Variants in GJD4 observed in about 807,000 individuals in gnomAD.
GJD4 encodes gap junction delta-4 protein.
In GJD4, 18 loss-of-function variants were observed where a neutral mutation model predicts 17.9. The ratio of observed to expected loss-of-function variants is 1.00; its 90% confidence interval spans 0.69 to 1.49. The LOEUF (loss-of-function observed/expected upper bound fraction) is 1.49, where lower values mean the gene tolerates loss of function less well. Ranked by LOEUF, GJD4 falls within the 40% of genes most tolerant of loss-of-function variation. The pLI, the probability that GJD4 is intolerant of heterozygous loss-of-function variation, is 0.00. For synonymous variants in GJD4, 293 were observed against 236.8 expected (o/e 1.24, Z -2.18); for missense variants, 639 against 506.9 (o/e 1.26, Z -2.50).
rs141883026 is a variant in GJD4, at chr10:35,608,376, C to T, written c.863C>T (p.Thr288Met). 7.1e-3 allele frequency: 10,984 copies of T among 1,552,028 alleles called. 38 individuals carry two copies. Among genetic ancestry groups the T allele is most frequent in the Non-Finnish European group, 8.2e-3 (9,391 of 1,148,416 alleles). ...CGTACATCCAGGGTGTCAGGGCACA[C>T]GAAGATTCCGGATGAGGATGAGAGT... is the stretch of plus-strand genomic sequence containing the variant. Reference protein sequence around the residue: ...PRRTSRVSGHTKIPDEDESEV... With the variant: ...PRRTSRVSGHMKIPDEDESEV... The change falls in exon 2 of 2, where the codon ACG becomes ATG. Residue 288 changes from threonine (T) to methionine (M), a missense_variant. Transcript: ENST00000321660.
At position 35,608,086 on chromosome 10, in the gene GJD4, C is replaced by A. The variant is rs772578703; in HGVS notation, c.573C>A (p.Pro191=). Residue 191 remains proline (P), a synonymous_variant, in exon 2 of 2, where the codon CCC becomes CCA. Coordinates refer to ENST00000321660, the MANE Select transcript of GJD4 (RefSeq NM_153368.3). ...TGGTGGACTGCTACGTGTCGCGGCCCACAGAGAAGTCCCTGCTGATGCTGT... is the reference window on the plus strand; with the variant it reads ...TGGTGGACTGCTACGTGTCGCGGCCAACAGAGAAGTCCCTGCTGATGCTGT... ...TGVVDCYVSR[P]TEKSLLMLFL... is the part of the protein sequence containing the mutation. The A allele has an allele frequency of 6.2e-7, 1 of 1,609,000 alleles. No homozygotes were observed. The highest frequency in any genetic ancestry group is 8.5e-7 in the Non-Finnish European group (1 of 1,177,790).
chr10:35,606,387 T>A (rs141892039), intron 1 of GJD4: 65 of 152,320 alleles, frequency 4.3e-4, no homozygotes, highest in African/African-American at 1.4e-3. Flanking sequence ...TCTTGTGCAC[T>A]TTAAACCAAA....
Position 35,608,330 on chromosome 10 carries a change from G to T in GJD4, c.817G>T (p.Glu273Ter). Reference protein sequence around the residue: ...PAPPGARAGGEGAGSPRRTSR... With the variant: ...PAPPGARAGG ...GCCCCCGGGTGCACGCGCCGGAGGGGAGGGGGCTGGCAGCCCCAGGCGTAC... is the reference window on the plus strand; with the variant it reads ...GCCCCCGGGTGCACGCGCCGGAGGGTAGGGGGCTGGCAGCCCCAGGCGTAC... Residue 273 changes from glutamate to a stop codon, truncating the protein, a stop_gained, in exon 2 of 2, where the codon GAG becomes TAG. Coordinates refer to ENST00000321660, the MANE Select transcript of GJD4 (RefSeq NM_153368.3). LOFTEE classifies it high-confidence loss of function. 2 of 1,549,550 alleles carry T rather than the reference G, an allele frequency of 1.3e-6. No homozygotes were observed. The highest frequency in any genetic ancestry group is 2.0e-5 in the Admixed American group (1 of 50,952).
rs779584150 is a variant in GJD4, at chr10:35,608,400, G to A, written c.887G>A (p.Ser296Asn). Residue 296 changes from serine (S) to asparagine (N), a missense_variant, in exon 2 of 2, where the codon AGT (serine) becomes AAT (asparagine). By Grantham distance (46) the Ser-to-Asn change is conservative. Coordinates refer to ENST00000321660, the MANE Select transcript of GJD4 (RefSeq NM_153368.3). ...GHTKIPDEDE[S>N]EVTSSASEKL... ...ACGAAGATTCCGGATGAGGATGAGA[G>A]TGAGGTGACATCCTCCGCCAGCGAA... The A allele has an allele frequency of 4.5e-6, 7 of 1,550,374 alleles. No individual in the cohort carries two copies. The highest frequency in any genetic ancestry group is 3.6e-5 in the South Asian group (3 of 84,082).
At position 35,608,610 on chromosome 10, in the gene GJD4, A is replaced by T; in HGVS notation, c.1097A>T (p.Lys366Met). 6.6e-7 allele frequency: 1 copy of T among 1,503,780 alleles called. No homozygotes were observed. The highest frequency in any genetic ancestry group is 1.3e-5 in the South Asian group (1 of 75,548). The allele number at this position is 1,503,780 out of a possible 1,614,324, so 93.2% of individuals were successfully genotyped here. The change falls in exon 2 of 2, where the codon AAG (lysine) becomes ATG (methionine). Residue 366 changes from lysine to methionine, a missense_variant. Physicochemically the swap from Lys to Met is moderately conservative, Grantham distance 95 (BLOSUM62 -1). Coordinates refer to ENST00000321660, the MANE Select transcript of GJD4 (RefSeq NM_153368.3). ...SSGAPHLRAR[K>M]SEWV is the part of the protein sequence containing the mutation. ...GGTGCTCCCCACCTGAGAGCCAGGAAGTCTGAGTGGGTGTGAAAAAAACAG... is the reference window on the plus strand; with the variant it reads ...GGTGCTCCCCACCTGAGAGCCAGGATGTCTGAGTGGGTGTGAAAAAAACAG...
chr10:35,608,153 G>A lies in GJD4; in HGVS notation c.640G>A (p.Ala214Thr), dbSNP rs867654897. ...VSALSFLLGL[A>T]DLVCSLRRRM... is the part of the protein sequence containing the mutation. ...CGCGCTGTCTTTTCTGCTGGGCCTC[G>A]CCGACCTGGTCTGCAGCCTGCGGCG... The change falls in exon 2 of 2, where the codon GCC becomes ACC. Residue 214 changes from alanine (A) to threonine (T), a missense_variant. Coordinates refer to ENST00000321660, the MANE Select transcript of GJD4 (RefSeq NM_153368.3). 1 of 1,605,838 alleles carries A rather than the reference G, an allele frequency of 6.2e-7. No homozygotes were observed. Among genetic ancestry groups the A allele is most frequent in the East Asian group, 2.2e-5 (1 of 44,616 alleles).
chr10:35,608,225 A>G lies in GJD4; in HGVS notation c.712A>G (p.Lys238Glu), dbSNP rs778713646. 3 of 1,587,510 alleles carry G rather than the reference A, an allele frequency of 1.9e-6. No homozygotes were observed. The highest frequency in any genetic ancestry group is 3.5e-5 in the Admixed American group (2 of 57,666). Residue 238 changes from lysine to glutamate, a missense_variant, in exon 2 of 2, where the codon AAG becomes GAG. Lys to Glu is a moderately conservative substitution (Grantham distance 56, BLOSUM62 1). Transcript: ENST00000321660. ...ACCCCCCACAAGCCCCTCCATCCGG[A>G]AGCAGAGCGGAGCCTCAGGCCACGC... Reference protein sequence around the residue: ...PGPPTSPSIRKQSGASGHAEG... With the variant: ...PGPPTSPSIREQSGASGHAEG...
In GJD4 at chr10:35,608,102, C is replaced by T; in HGVS notation, c.589C>T (p.Leu197=). 1 of 1,609,778 alleles carries T rather than the reference C, an allele frequency of 6.2e-7. No individual in the cohort carries two copies. The highest frequency in any genetic ancestry group is 1.1e-5 in the South Asian group (1 of 90,762). Residue 197 remains leucine, a synonymous_variant, in exon 2 of 2, where the codon CTG becomes TTG. Coordinates refer to ENST00000321660, the MANE Select transcript of GJD4 (RefSeq NM_153368.3). ...YVSRPTEKSL[L]MLFLWAVSAL... is the part of the protein sequence containing the mutation. ...GTCGCGGCCCACAGAGAAGTCCCTG[C>T]TGATGCTGTTCCTCTGGGCGGTCAG...
intron 1 of GJD4, chr10:35,606,769 C>G (rs912100777): frequency 6.6e-6 from 1 of 152,198 alleles, no homozygotes; most frequent in Non-Finnish European, 1.5e-5. Flanking sequence ...TAGGGCTTGA[C>G]AGTTATTTTG....
chr10:35,605,394 G>A lies in GJD4; in HGVS notation c.-174G>A, dbSNP rs1025866842. On this transcript the variant is annotated 5_prime_UTR_variant, in exon 1 of 2. Transcript: ENST00000321660. Reference sequence around the variant, plus strand: ...CCTCAGAGGCAAACGGCTTAGGGCCGTCTCAACTTGGAGACAGAAAAACCC... The same window carrying A: ...CCTCAGAGGCAAACGGCTTAGGGCCATCTCAACTTGGAGACAGAAAAACCC... 1.8e-5 allele frequency: 12 copies of A among 654,690 alleles called. No homozygotes were observed. Among genetic ancestry groups the A allele is most frequent in the African/African-American group, 3.7e-5 (2 of 54,586 alleles). The allele number at this position is 654,690 out of a possible 1,614,324, so 40.6% of individuals were successfully genotyped here. A position where few individuals can be genotyped will look rare whatever the true frequency, so the allele number is the denominator to read the frequency against.
At chr10:35,605,711 C>G in intron 1 of GJD4, 80 bp downstream of exon 1, 1 of 1,098,830 alleles carries the variant, frequency 9.1e-7, no homozygotes, top group East Asian at 2.4e-5. Context: ...TTAAAGGGTC[C>G]AGGTATTTAC....
chr10:35,605,427 A>G lies in GJD4; in HGVS notation c.-141A>G. 1 of 721,002 alleles carries G rather than the reference A, an allele frequency of 1.4e-6. No individual in the cohort carries two copies. Among genetic ancestry groups the G allele is most frequent in the South Asian group, 1.6e-5 (1 of 63,648 alleles). 44.7% of individuals were successfully genotyped at this position (721,002 alleles called of 1,614,324 possible). A position where few individuals can be genotyped will look rare whatever the true frequency, so the allele number is the denominator to read the frequency against. ...TTGGAGACAGAAAAACCCACCTCCT[A>G]CTCCTGGCTCAGACCTTTGCTTTCT... On this transcript the variant is annotated 5_prime_UTR_variant, in exon 1 of 2. Transcript: ENST00000321660.
chr10:35,608,519 AGCCGCCTG>A lies in GJD4; in HGVS notation c.1012_1019del (p.Leu338AlafsTer11), dbSNP rs1835495262. 6.4e-7 allele frequency: 1 copy of A among 1,551,040 alleles called. No homozygotes were observed. Among genetic ancestry groups the A allele is most frequent in the African/African-American group, 1.4e-5 (1 of 72,424 alleles). On this transcript the variant is annotated frameshift_variant, in exon 2 of 2. Transcript: ENST00000321660. LOFTEE classifies it high-confidence loss of function. ...CGAGGAGCAGCCCTCAGCAGCCCCCAGCCGCCTGGCCGCGCCCCCTTCCTGCAGCAGCC... is the reference window on the plus strand; with the variant it reads ...CGAGGAGCAGCCCTCAGCAGCCCCCAGCCGCGCCCCCTTCCTGCAGCAGCC...
In GJD4 at chr10:35,607,812, G is replaced by A. The variant is rs754631664; in HGVS notation, c.299G>A (p.Gly100Glu). ...AVFSVYVLHR[G>E]ATLAALGPRR... Reference sequence around the variant, plus strand: ...TTCAGCGTCTATGTCCTGCACCGAGGAGCCACGCTCGCCGCGCTGGGCCCC... The same window carrying A: ...TTCAGCGTCTATGTCCTGCACCGAGAAGCCACGCTCGCCGCGCTGGGCCCC... Residue 100 changes from glycine (G) to glutamate (E), a missense_variant, in exon 2 of 2, where the codon GGA (glycine) becomes GAA (glutamate). Gly to Glu is a moderately conservative substitution (Grantham distance 98). Coordinates refer to ENST00000321660, the MANE Select transcript of GJD4 (RefSeq NM_153368.3). 6.9e-6 allele frequency: 11 copies of A among 1,602,168 alleles called. No homozygotes were observed. The highest frequency in any genetic ancestry group is 2.7e-5 in the African/African-American group (2 of 75,018).
chr10:35,605,666 G>C (rs773707417), intron 1 of GJD4, 35 bp downstream of exon 1: 1 of 1,520,112 alleles, frequency 6.6e-7, no homozygotes, highest in Non-Finnish European at 9.1e-7. Context: ...CTCCTGCGCT[G>C]TTTTTATTTC....
chr10:35,607,648 C>T lies in GJD4; in HGVS notation c.135C>T (p.Tyr45=), dbSNP rs1211088968. 1.1e-5 allele frequency: 18 copies of T among 1,614,206 alleles called. 1 individual carries two copies. The highest frequency in any genetic ancestry group is 3.3e-5 in the South Asian group (3 of 91,080). ...TTGTCTTGGCGGGGCGACCCGTCTA[C>T]CAGGACGAGCAGGAGAGGTTTGTCT... ...LVIVLAGRPV[Y]QDEQERFVCN... is the part of the protein sequence containing the mutation. The change falls in exon 2 of 2, where the codon TAC becomes TAT. Residue 45 remains tyrosine (Y), a synonymous_variant. Transcript: ENST00000321660.
Position 35,607,659 on chromosome 10 carries a change from A to C in GJD4, c.146A>C (p.Gln49Pro). The C allele has an allele frequency of 6.2e-7, 1 of 1,614,206 alleles. No individual in the cohort carries two copies. The highest frequency in any genetic ancestry group is 8.5e-7 in the Non-Finnish European group (1 of 1,180,038). Residue 49 changes from glutamine to proline, a missense_variant, in exon 2 of 2, where the codon CAG (glutamine) becomes CCG (proline). Coordinates refer to ENST00000321660, the MANE Select transcript of GJD4 (RefSeq NM_153368.3). ...GGGCGACCCGTCTACCAGGACGAGC[A>C]GGAGAGGTTTGTCTGCAACACGCTG... ...LAGRPVYQDE[Q>P]ERFVCNTLQP...
rs1375055833 is a variant in GJD4, at chr10:35,608,457, A to G, written c.944A>G (p.His315Arg). 3 of 1,548,512 alleles carry G rather than the reference A, an allele frequency of 1.9e-6. No individual in the cohort carries two copies. Among genetic ancestry groups the G allele is most frequent in the Non-Finnish European group, 2.6e-6 (3 of 1,146,872 alleles). ...GGCAGACAGCCCCGGGGCAGGCCCCACCGAGAGGCCGCCCAGGACCCCAGG... is the reference window on the plus strand; with the variant it reads ...GGCAGACAGCCCCGGGGCAGGCCCCGCCGAGAGGCCGCCCAGGACCCCAGG... ...KLGRQPRGRP[H>R]REAAQDPRGS... is the part of the protein sequence containing the mutation. The change falls in exon 2 of 2, where the codon CAC becomes CGC. Residue 315 changes from histidine to arginine, a missense_variant. By Grantham distance (29) the His-to-Arg change is conservative. Coordinates refer to ENST00000321660, the MANE Select transcript of GJD4 (RefSeq NM_153368.3).
Position 35,608,196 on chromosome 10 carries a change from C to T in GJD4, c.683C>T (p.Pro228Leu), listed in dbSNP as rs759132395. ...CSLRRRMRRR[P>L]GPPTSPSIRK... ...CTGCGGCGGCGGATGCGCAGGAGGCCGGGACCCCCCACAAGCCCCTCCATC... is the reference window on the plus strand; with the variant it reads ...CTGCGGCGGCGGATGCGCAGGAGGCTGGGACCCCCCACAAGCCCCTCCATC... The change falls in exon 2 of 2, where the codon CCG becomes CTG. Residue 228 changes from proline (P) to leucine (L), a missense_variant. By Grantham distance (98) the Pro-to-Leu change is moderately conservative. Coordinates refer to ENST00000321660, the MANE Select transcript of GJD4 (RefSeq NM_153368.3). 6.3e-7 allele frequency: 1 copy of T among 1,591,006 alleles called. No individual in the cohort carries two copies. Among genetic ancestry groups the T allele is most frequent in the Non-Finnish European group, 8.5e-7 (1 of 1,173,812 alleles).
Sources: allele counts gnomAD v4.1 joint callset, GRCh38; gene constraint gnomAD v4.1.1; transcripts MANE v1.5; gene names NCBI Gene and HGNC (gene_info 2026-07-23, HGNC 2026-07-21).